NCAM1: variants seen among roughly 807,000 people sequenced by gnomAD.
NCAM1 encodes antigen recognized by monoclonal antibody 5.1H11.
In NCAM1, 14 loss-of-function variants were observed where a neutral mutation model predicts 109.8. The ratio of observed to expected loss-of-function variants is 0.13; its 90% CI spans 0.08 to 0.20. The LOEUF is 0.20. Among genes scored for constraint, NCAM1 ranks in the 10% least tolerant of loss-of-function variants. NCAM1 has a pLI of 1.00. For missense variants in NCAM1, 774 were observed against 1,109.9 expected, an observed-to-expected ratio of 0.70 and a Z score of 4.30; for synonymous variants, 418 against 442.9, an observed-to-expected ratio of 0.94 and a Z score of 0.70.
chr11:113,088,458 G>T (rs1298026439), intron 1 of NCAM1, among the ~76,000 whole-genome samples: 1 of 152,150 alleles, frequency 6.6e-6, no homozygotes, highest in Admixed American at 6.5e-5. Context: ...AAACCACATG[G>T]TGGGATTAGC....
At chr11:113,046,764 G>C (rs1555080912) in intron 1 of NCAM1, among the ~76,000 whole-genome samples, 1 of 150,316 alleles carries the variant, frequency 6.7e-6, no homozygotes, top group African/African-American at 2.4e-5. Flanking sequence ...ATGAAAGAAA[G>C]ATGATAGAAT....
Position 113,037,770 on chromosome 11 carries a change from A to G in NCAM1, c.52+76106A>G, listed in dbSNP as rs189673130. Among the ~76,000 whole-genome samples the G allele has an allele frequency of 1.1e-4, 16 of 152,234 alleles. No homozygotes were observed. In the East Asian group the frequency reaches 2.9e-3, roughly 28 times the overall value. ...GCTCCCACTTTCTGCTTCAGATACC[A>G]TACTCTGGTCCTCATGTTGACATGT... On this transcript the variant is annotated intron_variant, in intron 1 of 19. Transcript: ENST00000316851.
intron 7 of NCAM1, among the ~76,000 whole-genome samples, chr11:113,209,370 C>T (rs1545086): frequency 0.48 from 73,734 of 152,118 alleles, 18,909 homozygotes; most frequent in East Asian, 0.73. Context: ...GTTAACCGTA[C>T]GTATTTGAGA....
rs144933157 is a variant in NCAM1 at position 113,231,543 on chromosome 11, C to G, written c.1090-102C>G. The stretch of plus-strand genomic sequence containing the variant: ...GAGAGGAAGTGAGACGGGTCACAGA[C>G]AAGTGATGGCCTAGTCTCCCAGCCC... On this transcript the variant is annotated intron_variant, in intron 9 of 19. Coordinates refer to ENST00000316851, the MANE Select transcript of NCAM1 (RefSeq NM_181351.5). The G allele has an allele frequency of 2.4e-4, 290 of 1,222,832 alleles. No individual in the cohort carries two copies. The African/African-American group carries it at 4.0e-3, about 17-fold the overall frequency. The allele number at this position is 1,222,832 out of a possible 1,614,324, so 75.7% of individuals were successfully genotyped here. A position where few individuals can be genotyped will look rare whatever the true frequency, so the allele number is the denominator to read the frequency against.
chr11:113,113,112 G>A (rs781278020), intron 1 of NCAM1, among the ~76,000 whole-genome samples: 5 of 151,952 alleles, frequency 3.3e-5, no homozygotes, highest in African/African-American at 7.3e-5. Flanking sequence ...CCAGCCTGGG[G>A]GACAGACCAA....
At chr11:113,197,054 A>G (rs1943879084) in intron 1 of NCAM1, 1 of 153,280 alleles carries the variant, frequency 6.5e-6, no homozygotes, top group Non-Finnish European at 1.5e-5. Flanking sequence ...GTGAATGAGC[A>G]AAGCAGGAGG....
intron 1 of NCAM1, among the ~76,000 whole-genome samples, chr11:113,185,375 G>A (rs1399652109): frequency 1.3e-5 from 2 of 152,098 alleles, no homozygotes; most frequent in Admixed American, 1.3e-4. Context: ...TCAACTGACT[G>A]GATGAGGCAC....
At chr11:113,122,225 A>G (rs1218209725) in intron 1 of NCAM1, among the ~76,000 whole-genome samples, 1 of 152,212 alleles carries the variant, frequency 6.6e-6, no homozygotes, top group Non-Finnish European at 1.5e-5. Context: ...AAGTTATTTA[A>G]TCTTTGAAAG....
At chr11:112,979,237 A>AAC (rs1385762906) in intron 1 of NCAM1, among the ~76,000 whole-genome samples, 3 of 147,302 alleles carry the variant, frequency 2.0e-5, no homozygotes, top group Admixed American at 1.4e-4. Context: ...AGAAAAAAAA[A>AAC]CAAACAAAAA....
At chr11:113,107,014 T>C (rs1940203856) in intron 1 of NCAM1, among the ~76,000 whole-genome samples, 1 of 152,222 alleles carries the variant, frequency 6.6e-6, no homozygotes, top group Non-Finnish European at 1.5e-5. Flanking sequence ...TCTGTTACAA[T>C]ATTTGCAACT....
intron 17 of NCAM1, chr11:113,264,316 G>A: frequency 1.0e-6 from 1 of 985,376 alleles, no homozygotes; most frequent in African/African-American, 1.7e-5. Context: ...CCCATGCTGT[G>A]GTCTGAGGGG....
chr11:113,273,598 G>A lies in NCAM1; in HGVS notation c.2457-1669G>A, dbSNP rs1555125962. 4.5e-6 allele frequency: 2 copies of A among 443,082 alleles called. No individual in the cohort carries two copies. Among genetic ancestry groups the A allele is most frequent in the Admixed American group, 4.9e-5 (2 of 41,102 alleles). The allele number at this position is 443,082 out of a possible 1,614,324, so 27.4% of individuals were successfully genotyped here. On this transcript the variant is annotated intron_variant, in intron 19 of 19. Coordinates refer to ENST00000316851, the MANE Select transcript of NCAM1 (RefSeq NM_181351.5). This position sits in a 1 kb window ranked among gnomAD's most constrained non-coding sequence, Gnocchi z 6.0. ...GGCGAGGACTTTAAAATGGACGAAG[G>A]GAACTTCAAGACCCCAGATATTGAC...
intron 18 of NCAM1, 29 bp downstream of exon 18, chr11:113,270,424 G>A: frequency 6.2e-7 from 1 of 1,610,532 alleles, no homozygotes; most frequent in Non-Finnish European, 8.5e-7. Context: ...ACCTTGCTGA[G>A]GTTTGGGCTC....
Position 113,254,608 on chromosome 11 carries a change from G to A in NCAM1, c.1829-1269G>A, listed in dbSNP as rs555632635. The stretch of plus-strand genomic sequence containing the variant: ...AGAGTAGCTGAATGAGAAGTGAGGC[G>A]TGACTCTCGCTGTGCCTGCAGCCGT... On this transcript the variant is annotated intron_variant, in intron 15 of 19. Transcript: ENST00000316851. 4.6e-5 allele frequency among the ~76,000 whole-genome samples: 7 copies of A among 152,288 alleles called. No homozygotes were observed. The East Asian group carries it at 5.8e-4, about 13-fold the overall frequency.
intron 1 of NCAM1, among the ~76,000 whole-genome samples, chr11:113,197,890 G>A (rs571826990): frequency 1.3e-5 from 2 of 152,146 alleles, no homozygotes; most frequent in Non-Finnish European, 2.9e-5. Flanking sequence ...TTTAGGAACT[G>A]AAATTTTAAT....
chr11:113,164,669 G>T (rs550944016), intron 1 of NCAM1, among the ~76,000 whole-genome samples: 1 of 152,304 alleles, frequency 6.6e-6, no homozygotes, highest in African/African-American at 2.4e-5. Flanking sequence ...TCAGGGCAAG[G>T]TGTGTGGAAA....
At chr11:113,217,535 C>A (rs990279630) in intron 8 of NCAM1, among the ~76,000 whole-genome samples, 3 of 151,926 alleles carry the variant, frequency 2.0e-5, no homozygotes, top group Admixed American at 6.6e-5. Flanking sequence ...GTAATTAATG[C>A]AGACTTCAGG....
intron 1 of NCAM1, among the ~76,000 whole-genome samples, chr11:113,173,580 G>A (rs975465763): frequency 2.2e-5 from 2 of 91,440 alleles, no homozygotes; most frequent in East Asian, 5.9e-4. Flanking sequence ...ACTAATATTA[G>A]CATGTTACCT....
At chr11:113,038,791 G>A (rs1159215931) in intron 1 of NCAM1, among the ~76,000 whole-genome samples, 3 of 152,172 alleles carry the variant, frequency 2.0e-5, no homozygotes, top group Non-Finnish European at 2.9e-5. Flanking sequence ...CTTTGCTTCT[G>A]CCATTTCTTG....
Sources: gnomAD v4.1 joint callset for allele counts (sites outside exome capture counted in the v4.1 genomes callset) on GRCh38, gnomAD v4.1.1 for gene constraint, Gnocchi (gnomAD v3.1) non-coding constraint, MANE v1.5 for transcripts, NCBI Gene and HGNC (gene_info 2026-07-23, HGNC 2026-07-21) for gene names.